Variants in TEAD1 observed in about 807,000 individuals in gnomAD.
The protein encoded by TEAD1 is TEA domain transcription factor 1.
Under a neutral mutation model 54.9 loss-of-function variants are expected in TEAD1, and 9 were observed. The observed-to-expected ratio is 0.16, with a 90% CI of 0.10 to 0.29. The LOEUF is 0.29. TEAD1 is among the 10% of genes least tolerant of loss of function. The pLI is 1.00. For missense variants in TEAD1, 387 were observed against 535.9 expected, an observed-to-expected ratio of 0.72 and a Z score of 2.74; for synonymous variants, 200 against 187.8, an observed-to-expected ratio of 1.07 and a Z score of -0.53.
At chr11:12,745,508 A>T (rs2133898329) in intron 2 of TEAD1, among the ~76,000 whole-genome samples, 1 of 152,220 alleles carries the variant, frequency 6.6e-6, no homozygotes, top group East Asian at 1.9e-4. Context: ...AAGCTAAAAA[A>T]AATTTAAAAA....
chr11:12,709,844 T>A (rs1275471307), intron 2 of TEAD1, among the ~76,000 whole-genome samples: 1 of 152,168 alleles, frequency 6.6e-6, no homozygotes, highest in Non-Finnish European at 1.5e-5. Context: ...AGTTTCTTTT[T>A]AGAAAGCTGA....
intron 9 of TEAD1, among the ~76,000 whole-genome samples, chr11:12,886,453 A>C (rs950905334): frequency 3.3e-5 from 5 of 152,234 alleles, no homozygotes; most frequent in Non-Finnish European, 7.3e-5. Flanking sequence ...GGGAGAAATT[A>C]GAATTTATTT....
intron 9 of TEAD1, among the ~76,000 whole-genome samples, chr11:12,893,092 A>G (rs1371063862): frequency 3.3e-5 from 5 of 152,216 alleles, no homozygotes; most frequent in Admixed American, 3.3e-4. Context: ...CAGAGCCTAG[A>G]TATTCTAACC....
intron 3 of TEAD1, among the ~76,000 whole-genome samples, chr11:12,812,199 T>A (rs1946316495): frequency 6.6e-6 from 1 of 152,146 alleles, no homozygotes; most frequent in South Asian, 2.1e-4. Context: ...AATTGCTTCC[T>A]GGGTTTATAG....
chr11:12,929,959 A>G (rs1022299332), intron 11 of TEAD1, among the ~76,000 whole-genome samples: 2 of 152,204 alleles, frequency 1.3e-5, no homozygotes, highest in Non-Finnish European at 2.9e-5. Flanking sequence ...CTTTCCAACT[A>G]ATTTTTTAAA....
At chr11:12,739,791 G>T (rs1564924021) in intron 2 of TEAD1, among the ~76,000 whole-genome samples, 1 of 152,172 alleles carries the variant, frequency 6.6e-6, no homozygotes, top group East Asian at 1.9e-4. Flanking sequence ...CAGACATCGG[G>T]CTAGTTGCTG....
intron 3 of TEAD1, among the ~76,000 whole-genome samples, chr11:12,819,605 A>C (rs972369506): frequency 6.6e-6 from 1 of 151,720 alleles, no homozygotes; most frequent in Non-Finnish European, 1.5e-5. Flanking sequence ...CCCGCCACCA[A>C]GCCCGGCTAA....
chr11:12,904,873 T>C, intron 10 of TEAD1: 1 of 360,668 alleles, frequency 2.8e-6, no homozygotes, highest in Non-Finnish European at 5.3e-6. Flanking sequence ...CTCACACCTG[T>C]TACGGCAAAT....
Position 12,754,898 on chromosome 11 carries a change from A to G in TEAD1, c.-54-9281A>G, listed in dbSNP as rs148634864. Among the ~76,000 whole-genome samples, 624 of 152,318 alleles carry G rather than the reference A, an allele frequency of 4.1e-3. 1 individual carries two copies. The highest frequency in any genetic ancestry group is 8.5e-3 in the South Asian group (41 of 4,822). On this transcript the variant is annotated intron_variant, in intron 2 of 12. Coordinates refer to ENST00000527636, the MANE Select transcript of TEAD1 (RefSeq NM_021961.6). ...TTTAGGATAGATGGGGCATGGCCAG[A>G]ATGAGAGAAGCATCCAAAGTCATAG...
chr11:12,855,682 G>A (rs955843666), intron 3 of TEAD1, among the ~76,000 whole-genome samples: 2 of 151,488 alleles, frequency 1.3e-5, no homozygotes, highest in Non-Finnish European at 2.9e-5. Flanking sequence ...AGTAGTTCAC[G>A]CCTGTAATCC....
chr11:12,853,489 G>A (rs139138708), intron 3 of TEAD1, among the ~76,000 whole-genome samples: 59 of 152,342 alleles, frequency 3.9e-4, no homozygotes, highest in African/African-American at 1.2e-3. Flanking sequence ...CATAGTTACA[G>A]TGGTAAGGCT....
At chr11:12,757,395 A>G (rs1012551125) in intron 2 of TEAD1, among the ~76,000 whole-genome samples, 1 of 152,186 alleles carries the variant, frequency 6.6e-6, no homozygotes, top group African/African-American at 2.4e-5. Flanking sequence ...AAGGTAAAAT[A>G]TATTGTCTCA....
At chr11:12,699,086 C>G (rs1466481770) in intron 2 of TEAD1, among the ~76,000 whole-genome samples, 1 of 152,124 alleles carries the variant, frequency 6.6e-6, no homozygotes, top group Non-Finnish European at 1.5e-5. Context: ...GGATACGTCT[C>G]CAATTTGTTT....
In TEAD1 at chr11:12,839,572, A is replaced by C. The variant is rs1351947071; in HGVS notation, c.203-22678A>C. 3.0e-4 allele frequency among the ~76,000 whole-genome samples: 45 copies of C among 152,182 alleles called. 2 individuals are homozygous for C. Among genetic ancestry groups the C allele is most frequent in the Admixed American group, 2.9e-3 (45 of 15,284 alleles). On this transcript the variant is annotated intron_variant, in intron 3 of 12. Transcript: ENST00000527636. ...TGTGTCCTGGGGACTGAGGTAACAG[A>C]AATTACAGGATAAAGCTCCTGCCGT...
chr11:12,744,885 A>G (rs1590107326), intron 2 of TEAD1, among the ~76,000 whole-genome samples: 1 of 152,102 alleles, frequency 6.6e-6, no homozygotes, highest in Non-Finnish European at 1.5e-5. Context: ...AGGCTTCCAG[A>G]CTGCACGGGT....
At chr11:12,797,618 A>G (rs992373245) in intron 3 of TEAD1, among the ~76,000 whole-genome samples, 3 of 149,026 alleles carry the variant, frequency 2.0e-5, no homozygotes, top group African/African-American at 5.0e-5. Flanking sequence ...AGTAGTGGTT[A>G]TCTTTAAGGT....
intron 3 of TEAD1, among the ~76,000 whole-genome samples, chr11:12,847,309 A>G (rs1202585531): frequency 2.0e-5 from 3 of 152,178 alleles, no homozygotes; most frequent in Non-Finnish European, 4.4e-5. Context: ...CAAAGCTCAC[A>G]ATCTGCCAAG....
intron 3 of TEAD1, among the ~76,000 whole-genome samples, chr11:12,770,271 G>A (rs1007051777): frequency 2.6e-5 from 4 of 152,176 alleles, no homozygotes; most frequent in African/African-American, 4.8e-5. Context: ...CAAGGTGTGA[G>A]CTCATGTGCA....
chr11:12,894,387 C>T (rs1255848441), intron 9 of TEAD1, among the ~76,000 whole-genome samples: 1 of 151,946 alleles, frequency 6.6e-6, no homozygotes, highest in Non-Finnish European at 1.5e-5. Context: ...CAGTTCAATA[C>T]ATCTAGATTC....
Sources: allele counts gnomAD v4.1 joint callset (sites outside exome capture counted in the v4.1 genomes callset), GRCh38; gene constraint gnomAD v4.1.1; transcripts MANE v1.5; gene names NCBI Gene and HGNC (gene_info 2026-07-23, HGNC 2026-07-21).